PKHD1: variants seen among roughly 807,000 people sequenced by gnomAD.
PKHD1 encodes the protein PKHD1 ciliary IPT domain containing fibrocystin/polyductin, also known as fibrocystin.
A neutral mutation model predicts 412.0 loss-of-function variants in PKHD1; 291 were observed. The observed-to-expected ratio is 0.71, with a 90% CI of 0.64 to 0.78. The LOEUF is 0.78. PKHD1 is among the 30% of genes least tolerant of loss of function. PKHD1 has a pLI of 0.00. For synonymous variants in PKHD1, 1,777 were observed against 1,821.5 expected (o/e 0.98, Z 0.62); for missense variants, 4,825 against 4,950.7 (o/e 0.97, Z 0.76).
intron 6 of PKHD1, among the ~76,000 whole-genome samples, chr6:52,075,894 T>C (rs77665373): frequency 0.097 from 14,821 of 152,208 alleles, 849 homozygotes; most frequent in Middle Eastern, 0.21. Context: ...TTGGCGAGGA[T>C]CTAGTAAGAT....
intron 36 of PKHD1, among the ~76,000 whole-genome samples, chr6:51,948,536 T>G (rs576531980): frequency 6.6e-6 from 1 of 152,356 alleles, no homozygotes; most frequent in African/African-American, 2.4e-5. Context: ...TTATTTTGTT[T>G]ATTGACTGTT....
Position 51,903,618 on chromosome 6 carries a change from G to A in PKHD1, c.6975C>T (p.Cys2325=), listed in dbSNP as rs2127621930. The A allele has an allele frequency of 6.2e-6, 10 of 1,610,558 alleles. No homozygotes were observed. Among genetic ancestry groups the A allele is most frequent in the Non-Finnish European group, 8.5e-6 (10 of 1,177,338 alleles). Residue 2325 remains cysteine (C), a synonymous_variant, in exon 43 of 67, where the codon TGC becomes TGT. Transcript: ENST00000371117. ...EMLTPSGIYI[C]SPTNVIEGNR... ...TTACCTCTATAACATTGGTGGGACT[G>A]CAGATATAGATGCCAGATGGTGTCA...
At chr6:51,640,291 A>G (rs1424144017) in intron 63 of PKHD1, among the ~76,000 whole-genome samples, 1 of 152,212 alleles carries the variant, frequency 6.6e-6, no homozygotes, top group Non-Finnish European at 1.5e-5. Context: ...CTCGTAGAAC[A>G]GCCGCCAAAT....
At chr6:51,833,357 C>T (rs1768615993) in intron 51 of PKHD1, among the ~76,000 whole-genome samples, 1 of 152,108 alleles carries the variant, frequency 6.6e-6, no homozygotes, top group African/African-American at 2.4e-5. Flanking sequence ...TTATTATGTA[C>T]AAATTTAATT....
chr6:51,832,038 A>T (rs9474102), intron 51 of PKHD1, among the ~76,000 whole-genome samples: 67,321 of 151,856 alleles, frequency 0.44, 16,028 homozygotes, highest in Middle Eastern at 0.61. Flanking sequence ...ATGATTTGCT[A>T]ATTTTACAAC....
In PKHD1 at chr6:52,048,636, A is replaced by G. The variant is rs1296010432; in HGVS notation, c.2280-17T>C. 1 of 1,613,956 alleles carries G rather than the reference A, an allele frequency of 6.2e-7. No homozygotes were observed. On this transcript the variant is annotated splice_polypyrimidine_tract_variant and intron_variant, in intron 22 of 66. Transcript: ENST00000371117. ...GGCACAGAGCTGTGGCACGTCAGAA[A>G]CAAAGTATTAACGTCTGGGTTGGGG... is the stretch of plus-strand genomic sequence containing the variant.
chr6:51,834,942 T>TG (rs1350769263), intron 51 of PKHD1, among the ~76,000 whole-genome samples: 2 of 152,176 alleles, frequency 1.3e-5, no homozygotes, highest in African/African-American at 4.8e-5. Context: ...CTCATATGAC[T>TG]GACTACTGAT....
At chr6:52,021,383 A>T (rs1000110939) in intron 33 of PKHD1, among the ~76,000 whole-genome samples, 1 of 152,222 alleles carries the variant, frequency 6.6e-6, no homozygotes, top group South Asian at 2.1e-4. Context: ...TTGAAATAAT[A>T]ACACGGGGCT....
intron 60 of PKHD1, among the ~76,000 whole-genome samples, chr6:51,678,141 G>C (rs1042495034): frequency 1.3e-5 from 2 of 152,100 alleles, no homozygotes; most frequent in Non-Finnish European, 2.9e-5. Flanking sequence ...CTTAGCGAGT[G>C]GGAGATCAGA....
chr6:52,049,643 A>C (rs1173137307), intron 22 of PKHD1, among the ~76,000 whole-genome samples: 2 of 152,212 alleles, frequency 1.3e-5, no homozygotes, highest in East Asian at 3.8e-4. Context: ...CTGTGGCTAG[A>C]AATGGTTATT....
chr6:52,021,129 A>T (rs569395532), intron 33 of PKHD1, among the ~76,000 whole-genome samples: 1 of 152,332 alleles, frequency 6.6e-6, no homozygotes, highest in African/African-American at 2.4e-5. Flanking sequence ...CTCTAGAGTA[A>T]ATGTGTGCCT....
chr6:51,899,165 A>G (rs1198806758), intron 43 of PKHD1, among the ~76,000 whole-genome samples: 1 of 152,204 alleles, frequency 6.6e-6, no homozygotes, highest in East Asian at 1.9e-4. Flanking sequence ...AACTCAATTT[A>G]TGAGGCCAGC....
At chr6:51,796,704 T>A (rs1250833335) in intron 52 of PKHD1, among the ~76,000 whole-genome samples, 1 of 152,182 alleles carries the variant, frequency 6.6e-6, no homozygotes, top group Non-Finnish European at 1.5e-5. Flanking sequence ...GTATCTTTGT[T>A]CTCATGAGTT....
At chr6:51,914,164 T>C (rs988936319) in intron 37 of PKHD1, among the ~76,000 whole-genome samples, 4 of 152,130 alleles carry the variant, frequency 2.6e-5, no homozygotes, top group Non-Finnish European at 5.9e-5. Context: ...ACTATCAACA[T>C]GCAAGCTACG....
At chr6:51,705,963 T>G (rs560602903) in intron 60 of PKHD1, among the ~76,000 whole-genome samples, 1 of 152,260 alleles carries the variant, frequency 6.6e-6, no homozygotes, top group African/African-American at 2.4e-5. Context: ...TTCAATTAAA[T>G]AAACTTAATA....
chr6:51,730,201 ATTCT>A (rs1229972325), intron 60 of PKHD1, among the ~76,000 whole-genome samples: 7 of 152,142 alleles, frequency 4.6e-5, no homozygotes, highest in East Asian at 3.8e-4. Context: ...TGCTTTTAAT[ATTCT>A]TTAAGAAGTT....
Position 51,746,853 on chromosome 6 carries a change from C to A in PKHD1, c.9866G>T (p.Ser3289Ile), listed in dbSNP as rs148932323. Residue 3289 changes from serine (S) to isoleucine (I), a missense_variant, in exon 59 of 67, where the codon AGC becomes ATC. Transcript: ENST00000371117. Reference sequence around the variant, plus strand: ...TAGAATGCAGACATCCAGGTCATCGCTATAGCAACTCTTCACAAAACTAGA... The same window carrying A: ...TAGAATGCAGACATCCAGGTCATCGATATAGCAACTCTTCACAAAACTAGA... ...TFSSFVKSCYSDDLDVCILPN... is the reference protein window; with the variant it reads ...TFSSFVKSCYIDDLDVCILPN... The A allele has an allele frequency of 4.3e-3, 6,921 of 1,609,574 alleles. 9 individuals carry two copies. The highest frequency in any genetic ancestry group is 5.1e-3 in the Non-Finnish European group (6,038 of 1,176,716).
At chr6:51,866,132 A>G (rs1775032290) in intron 48 of PKHD1, among the ~76,000 whole-genome samples, 1 of 152,160 alleles carries the variant, frequency 6.6e-6, no homozygotes, top group Non-Finnish European at 1.5e-5. Context: ...CCTAGAGGTG[A>G]GCACATCAGG....
chr6:51,731,890 G>A (rs1783280606), intron 60 of PKHD1, among the ~76,000 whole-genome samples: 1 of 151,894 alleles, frequency 6.6e-6, no homozygotes, highest in South Asian at 2.1e-4. Context: ...AACAATTATT[G>A]GAAAATGTTT....
Sources: allele counts gnomAD v4.1 joint callset (sites outside exome capture counted in the v4.1 genomes callset), GRCh38; gene constraint gnomAD v4.1.1; transcripts MANE v1.5; gene names NCBI Gene and HGNC (gene_info 2026-07-23, HGNC 2026-07-21).